The following PCDH7 variants were observed in gnomAD, a reference collection of about 807,000 sequenced individuals.
PCDH7 encodes protocadherin 7.
PCDH7 carries 17 observed loss-of-function variants against 58.9 expected under a neutral mutation model. The observed-to-expected ratio is 0.29, with a 90% CI of 0.20 to 0.43. The LOEUF is 0.43. PCDH7 is among the 20% of genes least tolerant of loss of function. The pLI, the probability that PCDH7 is intolerant of heterozygous loss-of-function variation, is 1.00. For synonymous variants in PCDH7, 664 were observed against 616.4 expected (o/e 1.08, Z -1.14); for missense variants, 1,274 against 1,441.0 (o/e 0.88, Z 1.88).
At chr4:31,017,657 C>A (rs13111601) in intron 3 of PCDH7, among the ~76,000 whole-genome samples, 6,754 of 151,928 alleles carry the variant, frequency 0.044, 358 homozygotes, top group East Asian at 0.28. Flanking sequence ...CAATAATGAT[C>A]GTATAATGAA....
intron 3 of PCDH7, among the ~76,000 whole-genome samples, chr4:30,965,294 G>A (rs1345209286): frequency 6.6e-6 from 1 of 152,094 alleles, no homozygotes; most frequent in Non-Finnish European, 1.5e-5. Context: ...TTTGGATCAA[G>A]CAAGGCATGC....
intron 3 of PCDH7, among the ~76,000 whole-genome samples, chr4:30,976,844 T>C (rs1246737401): frequency 6.6e-6 from 1 of 152,196 alleles, no homozygotes; most frequent in Non-Finnish European, 1.5e-5. Flanking sequence ...TAAACAATTA[T>C]GCCACCTGAT....
At chr4:30,806,336 G>C (rs377641425) in intron 1 of PCDH7, among the ~76,000 whole-genome samples, 3 of 150,734 alleles carry the variant, frequency 2.0e-5, no homozygotes, top group African/African-American at 7.3e-5. Flanking sequence ...AGACAGTCTC[G>C]CTCTGTCACC....
At chr4:30,785,617 G>T (rs947949931) in intron 1 of PCDH7, among the ~76,000 whole-genome samples, 6 of 151,986 alleles carry the variant, frequency 3.9e-5, no homozygotes, top group African/African-American at 1.2e-4. Flanking sequence ...TGCATTTTCT[G>T]TTCTCTAAAC....
intron 1 of PCDH7, among the ~76,000 whole-genome samples, chr4:30,728,908 G>A (rs1470101904): frequency 6.6e-6 from 1 of 151,094 alleles, no homozygotes; most frequent in East Asian, 1.9e-4. Flanking sequence ...ATTTATAGCT[G>A]TATTAGTCTT....
chr4:31,094,207 G>C (rs1334519798), intron 3 of PCDH7, among the ~76,000 whole-genome samples: 3 of 152,128 alleles, frequency 2.0e-5, no homozygotes, highest in Admixed American at 2.0e-4. Context: ...AAATCTCTCA[G>C]TAAATGAAGT....
intron 3 of PCDH7, among the ~76,000 whole-genome samples, chr4:31,110,839 T>G (rs998534304): frequency 1.3e-5 from 2 of 151,392 alleles, no homozygotes; most frequent in Non-Finnish European, 2.9e-5. Context: ...GGTGTGAACC[T>G]GGGAGGCGGA....
intron 1 of PCDH7, among the ~76,000 whole-genome samples, chr4:30,871,258 C>T (rs1735540425): frequency 6.6e-6 from 1 of 152,024 alleles, no homozygotes. Flanking sequence ...TTACTTTTCT[C>T]TTGCATAGAG....
At chr4:30,733,191 C>T (rs909071232), downstream of PCDH7, among the ~76,000 whole-genome samples, 2 of 152,094 alleles carry the variant, frequency 1.3e-5, no homozygotes, top group Admixed American at 6.5e-5. Context: ...CACATATTAC[C>T]CTGTATAGTT....
At chr4:30,996,529 G>A (rs1460602449) in intron 3 of PCDH7, among the ~76,000 whole-genome samples, 1 of 152,050 alleles carries the variant, frequency 6.6e-6, no homozygotes, top group Non-Finnish European at 1.5e-5. Flanking sequence ...AGACTTTGTT[G>A]GTTTAGCACA....
chr4:31,134,994 A>G (rs747771926), intron 3 of PCDH7, among the ~76,000 whole-genome samples: 16 of 152,318 alleles, frequency 1.1e-4, no homozygotes, highest in Non-Finnish European at 1.8e-4. Context: ...GTAATGTCAC[A>G]TTCCAAAGTG....
intron 1 of PCDH7, among the ~76,000 whole-genome samples, chr4:30,773,349 A>G (rs1035555212): frequency 1.3e-5 from 2 of 152,218 alleles, no homozygotes; most frequent in Non-Finnish European, 2.9e-5. Context: ...GGTGTCAGCA[A>G]TATAAAAGTA....
chr4:31,093,728 T>C (rs2109288557), intron 3 of PCDH7, among the ~76,000 whole-genome samples: 1 of 152,272 alleles, frequency 6.6e-6, no homozygotes, highest in African/African-American at 2.4e-5. Flanking sequence ...ATCAATTTAA[T>C]AATTCTTGGA....
At chr4:30,814,859 T>C (rs993377302) in intron 1 of PCDH7, among the ~76,000 whole-genome samples, 6 of 152,112 alleles carry the variant, frequency 3.9e-5, no homozygotes, top group Non-Finnish European at 7.4e-5. Context: ...TCCCCATAAT[T>C]TTTATTAAAG....
chr4:30,826,079 A>G (rs562472953), intron 1 of PCDH7, among the ~76,000 whole-genome samples: 2 of 152,172 alleles, frequency 1.3e-5, no homozygotes, highest in East Asian at 3.9e-4. Context: ...TTTGTGCCCC[A>G]AAGAAGGCTT....
chr4:31,130,757 C>T (rs1321636748), intron 3 of PCDH7, among the ~76,000 whole-genome samples: 1 of 152,138 alleles, frequency 6.6e-6, no homozygotes, highest in Non-Finnish European at 1.5e-5. Context: ...TCAAAGCTGG[C>T]AATGACAAGT....
At chr4:30,977,344 C>G (rs1750162115) in intron 3 of PCDH7, among the ~76,000 whole-genome samples, 1 of 152,082 alleles carries the variant, frequency 6.6e-6, no homozygotes, top group African/African-American at 2.4e-5. Context: ...ACCTATTCCC[C>G]CAGATAATTT....
intron 1 of PCDH7, among the ~76,000 whole-genome samples, chr4:30,826,075 C>A (rs927792141): frequency 1.3e-5 from 2 of 152,056 alleles, no homozygotes; most frequent in Non-Finnish European, 2.9e-5. Context: ...ACTCTTTGTG[C>A]CCCAAAGAAG....
intron 3 of PCDH7, among the ~76,000 whole-genome samples, chr4:31,032,025 AC>A (rs1305625636): frequency 1.3e-5 from 2 of 152,346 alleles, no homozygotes; most frequent in East Asian, 3.9e-4. Context: ...GTATAGAGCT[AC>A]TTATTTTATT....
Sources: gnomAD v4.1 joint callset for allele counts (sites outside exome capture counted in the v4.1 genomes callset) on GRCh38, gnomAD v4.1.1 for gene constraint, MANE v1.5 for transcripts, NCBI Gene and HGNC (gene_info 2026-07-23, HGNC 2026-07-21) for gene names.